PIK3R5: variants seen among roughly 807,000 people sequenced by gnomAD.
PIK3R5 encodes the protein phosphoinositide 3-kinase regulatory subunit 5.
Under a neutral mutation model 94.9 loss-of-function variants are expected in PIK3R5, and 32 were observed. The ratio of observed to expected loss-of-function variants is 0.34; its 90% CI spans 0.25 to 0.45. The LOEUF (loss-of-function observed/expected upper bound fraction) is 0.45, where lower values mean the gene tolerates loss of function less well. Among genes scored for constraint, PIK3R5 ranks in the 20% least tolerant of loss-of-function variants. PIK3R5 has a pLI of 1.00. For missense variants in PIK3R5, 853 were observed against 1,144.6 expected (o/e 0.75, Z 3.68); for synonymous variants, 443 against 479.4 (o/e 0.92, Z 0.99).
intron 1 of PIK3R5, among the ~76,000 whole-genome samples, chr17:8,932,691 A>G (rs2091008195): frequency 6.6e-6 from 1 of 152,262 alleles, no homozygotes; most frequent in African/African-American, 2.4e-5. Context: ...AAACTAAAAT[A>G]TAGAAAATAA....
Position 8,893,781 on chromosome 17 carries a change from G to A in PIK3R5, c.413-126C>T. ...TCCCGGATGGAGCTCAGGCGAACCT[G>A]CAGAGAAGCTGTTCTGTGGACCCTC... On this transcript the variant is annotated intron_variant, in intron 5 of 18. Transcript: ENST00000447110. The surrounding 1 kb of genome is among the most constrained non-coding windows in gnomAD (Gnocchi z 5.1). 1.4e-6 allele frequency: 1 copy of A among 700,728 alleles called. No individual in the cohort carries two copies. The allele number at this position is 700,728 out of a possible 1,614,324, so 43.4% of individuals were successfully genotyped here.
intron 1 of PIK3R5, among the ~76,000 whole-genome samples, chr17:8,932,241 T>G (rs1431494651): frequency 6.6e-6 from 1 of 152,146 alleles, no homozygotes; most frequent in African/African-American, 2.4e-5. Flanking sequence ...AACCTTTTTT[T>G]TTTTATTTTT....
intron 3 of PIK3R5, among the ~76,000 whole-genome samples, chr17:8,908,276 G>T (rs959934131): frequency 5.6e-4 from 85 of 152,092 alleles, no homozygotes; most frequent in African/African-American, 1.6e-3. Context: ...TGTCTACCAA[G>T]CCTTGCAGAT....
At chr17:8,895,207 G>C (rs1242321604) in intron 5 of PIK3R5, among the ~76,000 whole-genome samples, 2 of 152,104 alleles carry the variant, frequency 1.3e-5, no homozygotes, top group African/African-American at 4.8e-5. Context: ...CTACCATAGC[G>C]GAGACAAACA....
chr17:8,932,935 G>A (rs1455051793), intron 1 of PIK3R5, among the ~76,000 whole-genome samples: 1 of 151,952 alleles, frequency 6.6e-6, no homozygotes, highest in African/African-American at 2.4e-5. Context: ...CCAGACCTAG[G>A]TATATCATAG....
At chr17:8,964,390 C>CAATAAT (rs374437977) in intron 1 of PIK3R5, among the ~76,000 whole-genome samples, 63 of 151,554 alleles carry the variant, frequency 4.2e-4, no homozygotes, top group African/African-American at 1.4e-3. Flanking sequence ...GACCCTGTCT[C>CAATAAT]AATAATAATA....
rs955163692 is a variant in PIK3R5 at position 8,925,019 on chromosome 17, G to A, written c.-13-13512C>T. Among the ~76,000 whole-genome samples the A allele has an allele frequency of 3.5e-5, 5 of 144,226 alleles. No individual in the cohort carries two copies. Among genetic ancestry groups the A allele is most frequent in the Admixed American group, 3.5e-4 (5 of 14,460 alleles). 94.6% of individuals were successfully genotyped at this position (144,226 alleles called of 152,430 possible). ...CAGATAGATAGTTAGATAGTAGATG[G>A]ATAGATAGATAGATAGTAGATGAAT... On this transcript the variant is annotated intron_variant, in intron 1 of 18. Transcript: ENST00000447110. The surrounding 1 kb of genome is among the most constrained non-coding windows in gnomAD (Gnocchi z 5.1).
chr17:8,900,459 T>A (rs955612668), intron 5 of PIK3R5, among the ~76,000 whole-genome samples: 12 of 152,226 alleles, frequency 7.9e-5, no homozygotes, highest in African/African-American at 2.4e-4. Flanking sequence ...TGGTTTCCTA[T>A]TTTGGTTCTG....
At position 8,892,733 on chromosome 17, in the gene PIK3R5, A is replaced by G. The variant is rs2090056501; in HGVS notation, c.482+853T>C. 6.6e-6 allele frequency among the ~76,000 whole-genome samples: 1 copy of G among 152,116 alleles called. No individual in the cohort carries two copies. On this transcript the variant is annotated intron_variant, in intron 6 of 18. Transcript: ENST00000447110. This position sits in a 1 kb window ranked among gnomAD's most constrained non-coding sequence, Gnocchi z 4.3. ...TGTTTTCACCTAGAGGGAAGTCAAG[A>G]AGTGTTGCTCAGGGGAGTGAGTGGG... is the stretch of plus-strand genomic sequence containing the variant.
chr17:8,884,903 C>T lies in PIK3R5; in HGVS notation c.2129-120G>A. On this transcript the variant is annotated intron_variant, in intron 14 of 18. Transcript: ENST00000447110. The surrounding 1 kb of genome is among the most constrained non-coding windows in gnomAD (Gnocchi z 5.8). The stretch of plus-strand genomic sequence containing the variant: ...CCCCTACCACATGGACCGTGACTCC[C>T]TAGGGATCTGTCTCACCAAGGCCCT... The T allele has an allele frequency of 1.3e-6, 1 of 780,450 alleles. No individual in the cohort carries two copies. The highest frequency in any genetic ancestry group is 2.2e-6 in the Non-Finnish European group (1 of 459,930). The allele number at this position is 780,450 out of a possible 1,614,324, so 48.3% of individuals were successfully genotyped here.
chr17:8,928,342 A>G (rs767139254), intron 1 of PIK3R5, among the ~76,000 whole-genome samples: 22 of 152,246 alleles, frequency 1.4e-4, no homozygotes, highest in Non-Finnish European at 3.1e-4. Flanking sequence ...AAGTACTTGA[A>G]TAAATAATCA....
Position 8,888,532 on chromosome 17 carries a change from G to T in PIK3R5, c.1255C>A (p.Gln419Lys). The T allele has an allele frequency of 1.2e-6, 2 of 1,611,410 alleles. No individual in the cohort carries two copies. Among genetic ancestry groups the T allele is most frequent in the East Asian group, 4.5e-5 (2 of 44,828 alleles). ...QERRGHRRPG[Q>K]KFIRIYKLFK... ...AGTTTATAGATCCTGATGAACTTCT[G>T]CCCAGGCCTGCGGTGGCCTCGGCGT... is the stretch of plus-strand genomic sequence containing the variant. Residue 419 changes from glutamine (Q) to lysine (K), a missense_variant, in exon 10 of 19, where the codon CAG becomes AAG. Physicochemically the swap from Gln to Lys is moderately conservative, Grantham distance 53. Transcript: ENST00000447110. The surrounding 1 kb of genome is among the most constrained non-coding windows in gnomAD (Gnocchi z 7.8).
At chr17:8,905,550 C>A in intron 4 of PIK3R5, 119 bp downstream of exon 4, 1 of 640,566 alleles carries the variant, frequency 1.6e-6, no homozygotes. Flanking sequence ...ATTTCACATG[C>A]CGCTGCTTGA....
intron 1 of PIK3R5, among the ~76,000 whole-genome samples, chr17:8,914,206 C>G (rs1470145408): frequency 1.3e-5 from 2 of 152,106 alleles, no homozygotes; most frequent in Non-Finnish European, 2.9e-5. Flanking sequence ...TTGGAGGGAG[C>G]TCAGAGGCCT....
At position 8,900,839 on chromosome 17, in the gene PIK3R5, G is replaced by A. The variant is rs578195203; in HGVS notation, c.412+3938C>T. 9.9e-5 allele frequency among the ~76,000 whole-genome samples: 15 copies of A among 152,178 alleles called. No individual in the cohort carries two copies. The South Asian group carries it at 2.9e-3, about 29-fold the overall frequency. On this transcript the variant is annotated intron_variant, in intron 5 of 18. Transcript: ENST00000447110. ...CTGCAAAAATATCTCAAGGCATAGC[G>A]TGCATTGAGCTGAGGAGGGACAGCC...
chr17:8,886,642 G>C (rs2089866301), intron 12 of PIK3R5, 37 bp from the exon 13 acceptor site: 1 of 1,545,548 alleles, frequency 6.5e-7, no homozygotes, highest in Non-Finnish European at 8.7e-7. Flanking sequence ...AGCCAGATGG[G>C]TGGGTGGATA....
chr17:8,901,707 T>C (rs937720604), intron 5 of PIK3R5, among the ~76,000 whole-genome samples: 8 of 152,042 alleles, frequency 5.3e-5, no homozygotes, highest in Non-Finnish European at 8.8e-5. Context: ...ATACTTAGTA[T>C]TGGGGGGACT....
chr17:8,881,534 C>T lies in PIK3R5; in HGVS notation c.2382+96G>A. ...ACGGGTGTGTATGTGCACACATGCACACACATACATGTGCACACACACGTA... is the reference window on the plus strand; with the variant it reads ...ACGGGTGTGTATGTGCACACATGCATACACATACATGTGCACACACACGTA... On this transcript the variant is annotated intron_variant, in intron 17 of 18. Coordinates refer to ENST00000447110, the MANE Select transcript of PIK3R5 (RefSeq NM_001142633.3). This position sits in a 1 kb window ranked among gnomAD's most constrained non-coding sequence, Gnocchi z 4.8. The T allele has an allele frequency of 2.1e-6, 2 of 948,672 alleles. No homozygotes were observed. The highest frequency in any genetic ancestry group is 3.3e-6 in the Non-Finnish European group (2 of 598,076). 58.8% of individuals were successfully genotyped at this position (948,672 alleles called of 1,614,324 possible).
intron 11 of PIK3R5, 28 bp downstream of exon 11, chr17:8,887,493 C>G (rs61761064): frequency 6.3e-7 from 1 of 1,583,494 alleles, no homozygotes; most frequent in African/African-American, 1.3e-5. Context: ...CTACTTTCCC[C>G]GACCATTGGC....
Sources: gnomAD v4.1 joint callset for allele counts (sites outside exome capture counted in the v4.1 genomes callset) on GRCh38, gnomAD v4.1.1 for gene constraint, Gnocchi (gnomAD v3.1) non-coding constraint, MANE v1.5 for transcripts, NCBI Gene and HGNC (gene_info 2026-07-23, HGNC 2026-07-21) for gene names.